Variants in NOL7 observed in about 807,000 individuals in gnomAD.
NOL7 encodes the protein U3 small nucleolar RNA-associated protein NOL7.
Under a neutral mutation model 38.4 loss-of-function variants are expected in NOL7, and 36 were observed. The observed-to-expected ratio is 0.94, with a 90% CI of 0.72 to 1.24. NOL7 has a LOEUF of 1.24. NOL7 is among the 50% of genes most tolerant of loss of function. The pLI is 0.00. For synonymous variants in NOL7, 142 were observed against 126.5 expected, an observed-to-expected ratio of 1.12 and a Z score of -0.82; for missense variants, 350 against 315.1, an observed-to-expected ratio of 1.11 and a Z score of -0.84.
downstream of NOL7, chr6:13,622,572 A>G (rs1764481407): frequency 3.6e-6 from 5 of 1,402,442 alleles, no homozygotes; most frequent in African/African-American, 1.4e-5. Context: ...GAATACTGCA[A>G]TGACTTTAAA....
At chr6:13,624,930 G>A (rs1764559315), downstream of NOL7, among the ~76,000 whole-genome samples, 1 of 152,188 alleles carries the variant, frequency 6.6e-6, no homozygotes, top group African/African-American at 2.4e-5. Flanking sequence ...CATGGTGGGA[G>A]CTGTGATACC....
chr6:13,631,855 T>G (rs991746278), intron 8 of NOL7, among the ~76,000 whole-genome samples: 1 of 152,216 alleles, frequency 6.6e-6, no homozygotes, highest in Non-Finnish European at 1.5e-5. Context: ...GAAGAGACTT[T>G]AAAATGTATT....
intron 8 of NOL7, among the ~76,000 whole-genome samples, chr6:13,631,943 A>C (rs1400028191): frequency 6.6e-6 from 1 of 152,146 alleles, no homozygotes; most frequent in African/African-American, 2.4e-5. Context: ...TTATACATCC[A>C]AAATGCTATA....
In NOL7 at chr6:13,618,891, A is replaced by C. The variant is rs542361715; in HGVS notation, c.500+752A>C. ...GAGCGACAGAGTGAGACCCTGTCTC[A>C]AAAAAAAAATCGGTTTTCATAAAAA... On this transcript the variant is annotated intron_variant, in intron 5 of 7. Transcript: ENST00000451315. Among the ~76,000 whole-genome samples the C allele has an allele frequency of 4.6e-5, 7 of 150,940 alleles. No individual in the cohort carries two copies. The East Asian group carries it at 1.4e-3, about 29-fold the overall frequency.
intron 8 of NOL7, among the ~76,000 whole-genome samples, chr6:13,630,722 T>C (rs1764756805): frequency 6.6e-6 from 1 of 152,174 alleles, no homozygotes; most frequent in Non-Finnish European, 1.5e-5. Flanking sequence ...GCACAAGACA[T>C]GTGATACCAC....
In NOL7 at chr6:13,621,671, A is replaced by G. The variant is rs1764449987; in HGVS notation, c.*844A>G. 6.6e-6 allele frequency: 1 copy of G among 152,656 alleles called. No individual in the cohort carries two copies. Among genetic ancestry groups the G allele is most frequent in the African/African-American group, 2.4e-5 (1 of 41,466 alleles). 9.5% of individuals were successfully genotyped at this position (152,656 alleles called of 1,614,324 possible). A position where few individuals can be genotyped will look rare whatever the true frequency, so the allele number is the denominator to read the frequency against. On this transcript the variant is annotated 3_prime_UTR_variant, in exon 8 of 8. Coordinates refer to ENST00000451315, the MANE Select transcript of NOL7 (RefSeq NM_016167.5). ...TAAAGGTCATAACCACACCGTTGACATGTAATACTGTTATAATACAACAGT... is the reference window on the plus strand; with the variant it reads ...TAAAGGTCATAACCACACCGTTGACGTGTAATACTGTTATAATACAACAGT...
At chr6:13,628,676 C>G (rs577764779) in intron 8 of NOL7, among the ~76,000 whole-genome samples, 68 of 152,276 alleles carry the variant, frequency 4.5e-4, no homozygotes, top group African/African-American at 1.6e-3. Context: ...ACATCTAGGA[C>G]TTGATTCTTT....
downstream of NOL7, among the ~76,000 whole-genome samples, chr6:13,626,445 G>A (rs1274812090): frequency 6.6e-6 from 1 of 152,152 alleles, no homozygotes; most frequent in Non-Finnish European, 1.5e-5. Context: ...GTAGCCTTTG[G>A]CAATTGACAA....
At chr6:13,616,628 A>C (rs1360446377) in intron 3 of NOL7, 107 bp downstream of exon 3, 9 of 701,866 alleles carry the variant, frequency 1.3e-5, no homozygotes, top group Non-Finnish European at 2.1e-5. Flanking sequence ...GTAGAACCCA[A>C]ATTCAAAAGC....
At chr6:13,615,878 C>A in intron 2 of NOL7, 106 bp downstream of exon 2, 1 of 1,140,222 alleles carries the variant, frequency 8.8e-7, no homozygotes, top group Non-Finnish European at 1.2e-6. Context: ...GGGAAACAGT[C>A]ACCAAGATTG....
Position 13,618,122 on chromosome 6 carries a change from A to G in NOL7, c.483A>G (p.Gln161=). 1 of 1,590,786 alleles carries G rather than the reference A, an allele frequency of 6.3e-7. No individual in the cohort carries two copies. The highest frequency in any genetic ancestry group is 2.2e-5 in the East Asian group (1 of 44,754). Residue 161 remains glutamine, a synonymous_variant, in exon 5 of 8, where the codon CAA becomes CAG. Transcript: ENST00000451315. ...KGNDSKKVKV[Q]KVQSVSQNKS... is the part of the protein sequence containing the mutation. ...ATGACTCCAAGAAAGTTAAAGTACA[A>G]AAAGTACAGTCTGTCAGGTAATGAG... is the stretch of plus-strand genomic sequence containing the variant.
Position 13,620,833 on chromosome 6 carries a change from T to C in NOL7, c.*6T>C. 1 of 1,543,674 alleles carries C rather than the reference T, an allele frequency of 6.5e-7. No individual in the cohort carries two copies. Among genetic ancestry groups the C allele is most frequent in the Non-Finnish European group, 8.9e-7 (1 of 1,125,926 alleles). ...AGATGAAAACTAAGAAGTAAATCAATGCTAAATGAAGAATCTGTACTTTGT... is the reference window on the plus strand; with the variant it reads ...AGATGAAAACTAAGAAGTAAATCAACGCTAAATGAAGAATCTGTACTTTGT... On this transcript the variant is annotated 3_prime_UTR_variant, in exon 8 of 8. Coordinates refer to ENST00000451315, the MANE Select transcript of NOL7 (RefSeq NM_016167.5).
chr6:13,618,950 G>A (rs1764363001), intron 5 of NOL7, among the ~76,000 whole-genome samples: 1 of 152,132 alleles, frequency 6.6e-6, no homozygotes, highest in Admixed American at 6.5e-5. Context: ...GTCTTTGCAG[G>A]TCCTGCAGGT....
chr6:13,616,309 C>T (rs983152141), intron 2 of NOL7, among the ~76,000 whole-genome samples, 154 bp from the exon 3 acceptor site: 3 of 152,202 alleles, frequency 2.0e-5, no homozygotes, highest in African/African-American at 7.2e-5. Context: ...TGGACCCGGT[C>T]TTCCCATAGC....
rs1764255499 is a variant in NOL7 at position 13,615,615 on chromosome 6, C to A, written c.257C>A (p.Thr86Asn). 1.9e-6 allele frequency: 3 copies of A among 1,598,116 alleles called. No homozygotes were observed. Among genetic ancestry groups the A allele is most frequent in the Non-Finnish European group, 2.6e-6 (3 of 1,171,254 alleles). The change falls in exon 1 of 8, where the codon ACC (threonine) becomes AAC (asparagine). Residue 86 changes from threonine (T) to asparagine (N), a missense_variant. Coordinates refer to ENST00000451315, the MANE Select transcript of NOL7 (RefSeq NM_016167.5). ...AREEERRVRE[T>N]VRRDKTLLKE... ...GAAGAGGAGCGGCGAGTGCGGGAGA[C>A]CGTGCGCAGGTTCGGAGCCCGCTGC...
rs1031878989 is a variant in NOL7, at chr6:13,620,768, C to A, written c.715C>A (p.Gln239Lys). The A allele has an allele frequency of 3.1e-6, 5 of 1,594,604 alleles. No individual in the cohort carries two copies. Among genetic ancestry groups the A allele is most frequent in the East Asian group, 2.2e-5 (1 of 44,626 alleles). The change falls in exon 8 of 8, where the codon CAA becomes AAA. Residue 239 changes from glutamine (Q) to lysine (K), a missense_variant. Gln to Lys is a moderately conservative substitution (Grantham distance 53, BLOSUM62 1). Transcript: ENST00000451315. ...LNNAWGIQKK[Q>K]NAKRFKRRWM... Reference sequence around the variant, plus strand: ...TTATATTCTAGGAATCCAAAAAAAACAAAATGCCAAGAGGTTTAAAAGACG... The same window carrying A: ...TTATATTCTAGGAATCCAAAAAAAAAAAAATGCCAAGAGGTTTAAAAGACG...
intron 5 of NOL7, 49 bp from the exon 6 acceptor site, chr6:13,620,156 AAAG>A (rs1764401161): frequency 2.6e-6 from 4 of 1,567,106 alleles, no homozygotes; most frequent in Non-Finnish European, 3.4e-6. Flanking sequence ...AAGAAAAAAA[AAAG>A]AAAGTAAGCA....
At chr6:13,625,928 T>C (rs1013594449), downstream of NOL7, among the ~76,000 whole-genome samples, 1 of 152,234 alleles carries the variant, frequency 6.6e-6, no homozygotes, top group African/African-American at 2.4e-5. Context: ...TTTTTGAACA[T>C]TAAATTATGC....
chr6:13,620,367 G>A, intron 6 of NOL7, 38 bp downstream of exon 6: 1 of 1,613,530 alleles, frequency 6.2e-7, no homozygotes, highest in South Asian at 1.1e-5. Context: ...ACTTTTTACT[G>A]CAAATAAAAC....
Sources: gnomAD v4.1 joint callset for allele counts (sites outside exome capture counted in the v4.1 genomes callset) on GRCh38, gnomAD v4.1.1 for gene constraint, MANE v1.5 for transcripts, NCBI Gene and HGNC (gene_info 2026-07-23, HGNC 2026-07-21) for gene names.